EPB41L4A: variants seen among roughly 807,000 people sequenced by gnomAD.
EPB41L4A encodes the protein band 4.1-like protein 4A.
EPB41L4A carries 100 observed loss-of-function variants against 108.6 expected under a neutral mutation model. The observed-to-expected ratio is 0.92, with a 90% CI of 0.78 to 1.09. The LOEUF is 1.09. EPB41L4A is among the 50% of genes least tolerant of loss of function. The pLI, the probability that EPB41L4A is intolerant of heterozygous loss-of-function variation, is 0.00. For synonymous variants in EPB41L4A, 319 were observed against 289.0 expected (o/e 1.10, Z -1.05); for missense variants, 1,030 against 842.7 (o/e 1.22, Z -2.75).
intron 12 of EPB41L4A, among the ~76,000 whole-genome samples, chr5:112,213,359 T>G (rs117114397): frequency 0.39 from 58,222 of 151,190 alleles, 12,882 homozygotes; most frequent in Middle Eastern, 0.57. Flanking sequence ...TTTTGTTTTT[T>G]TTTTTTTAAG....
intron 1 of EPB41L4A, among the ~76,000 whole-genome samples, chr5:112,336,155 T>C (rs1756899448): frequency 6.6e-6 from 1 of 152,134 alleles, no homozygotes; most frequent in Admixed American, 6.5e-5. Flanking sequence ...CAAAGGAGTA[T>C]GAGAAAGCAG....
intron 3 of EPB41L4A, among the ~76,000 whole-genome samples, chr5:112,276,016 CA>C (rs961057905): frequency 4.6e-5 from 7 of 151,272 alleles, no homozygotes; most frequent in Non-Finnish European, 8.9e-5. Flanking sequence ...TGGAAGAGTA[CA>C]AAAAAAATTA....
At chr5:112,418,906 G>C (rs1056481953) in intron 1 of EPB41L4A, 35 bp downstream of exon 1, 2 of 1,565,110 alleles carry the variant, frequency 1.3e-6, no homozygotes, top group Admixed American at 1.7e-5. Context: ...CCGCCCTGCC[G>C]CCAACCCCCG....
chr5:112,215,656 G>C (rs540105024), intron 12 of EPB41L4A, among the ~76,000 whole-genome samples: 1 of 151,384 alleles, frequency 6.6e-6, no homozygotes, highest in African/African-American at 2.4e-5. Flanking sequence ...CCAGCTACTC[G>C]GGAGGGTGAG....
chr5:112,209,044 T>C (rs1026935009), intron 13 of EPB41L4A, among the ~76,000 whole-genome samples: 5 of 152,242 alleles, frequency 3.3e-5, no homozygotes, highest in African/African-American at 1.2e-4. Flanking sequence ...ATCTTAAAGT[T>C]ATCTTGCTGA....
chr5:112,286,449 T>C (rs1753288019), intron 2 of EPB41L4A, among the ~76,000 whole-genome samples: 1 of 152,192 alleles, frequency 6.6e-6, no homozygotes, highest in South Asian at 2.1e-4. Context: ...TCCTTAATAA[T>C]TCTTGACACT....
intron 1 of EPB41L4A, among the ~76,000 whole-genome samples, chr5:112,375,356 C>CACA (rs1044112653): frequency 7.0e-6 from 1 of 143,020 alleles, no homozygotes; most frequent in African/African-American, 3.0e-5. Context: ...CACACACACA[C>CACA]CCCTTCCTCT....
At chr5:112,310,710 G>C (rs1399337611) in intron 1 of EPB41L4A, among the ~76,000 whole-genome samples, 4 of 152,080 alleles carry the variant, frequency 2.6e-5, no homozygotes, top group Non-Finnish European at 5.9e-5. Context: ...TCTTCTTAGA[G>C]AAATTCCCGC....
intron 1 of EPB41L4A, among the ~76,000 whole-genome samples, chr5:112,310,581 G>C (rs911131189): frequency 2.0e-5 from 3 of 152,090 alleles, no homozygotes; most frequent in Admixed American, 2.0e-4. Flanking sequence ...GTCTTATTCT[G>C]TTTTGGCCTT....
chr5:112,357,512 G>C (rs406444), intron 1 of EPB41L4A, among the ~76,000 whole-genome samples: 101,475 of 152,104 alleles, frequency 0.67, 34,031 homozygotes, highest in South Asian at 0.82. Context: ...TTAAGACCAG[G>C]TGCCTGGAAA....
chr5:112,199,834 TACTTCTTTATATTTCC>T (rs1762136570), intron 15 of EPB41L4A, among the ~76,000 whole-genome samples: 1 of 152,202 alleles, frequency 6.6e-6, no homozygotes, highest in Non-Finnish European at 1.5e-5. Flanking sequence ...TGAAACCATC[TACTTCTTTATATTTCC>T]ACATCACCAC....
At chr5:112,405,597 T>C (rs190283418) in intron 1 of EPB41L4A, among the ~76,000 whole-genome samples, 19 of 152,306 alleles carry the variant, frequency 1.2e-4, no homozygotes, top group African/African-American at 4.1e-4. Context: ...ATATAATACA[T>C]ACATTACATT....
chr5:112,232,824 G>T (rs970322352), intron 12 of EPB41L4A, among the ~76,000 whole-genome samples: 5 of 152,118 alleles, frequency 3.3e-5, no homozygotes, highest in African/African-American at 1.2e-4. Context: ...CTGTAAAATG[G>T]TATGTACTCT....
chr5:112,169,747 C>T (rs898013571), intron 20 of EPB41L4A, among the ~76,000 whole-genome samples: 1 of 152,148 alleles, frequency 6.6e-6, no homozygotes, highest in Non-Finnish European at 1.5e-5. Flanking sequence ...GTGTACCAAC[C>T]TGCTATTTAA....
chr5:112,206,881 C>T (rs937062739), intron 13 of EPB41L4A: 2 of 152,158 alleles, frequency 1.3e-5, no homozygotes, highest in African/African-American at 4.8e-5. Context: ...AAGCAATATA[C>T]AGATGCAATG....
rs959985767 is a variant in EPB41L4A, at chr5:112,419,208, G to A, written c.-169C>T. On this transcript the variant is annotated 5_prime_UTR_variant, in exon 1 of 23. Transcript: ENST00000261486. The stretch of plus-strand genomic sequence containing the variant: ...GGCCGCCGAACCGCCCGGCGGGGCG[G>A]GAGCGAGAAAGGCGGAAAAGCCCGG... The A allele has an allele frequency of 1.8e-5, 9 of 503,980 alleles. No homozygotes were observed. The highest frequency in any genetic ancestry group is 6.2e-5 in the African/African-American group (3 of 48,400). 31.2% of individuals were successfully genotyped at this position (503,980 alleles called of 1,614,324 possible).
At chr5:112,237,452 A>G (rs1320428321) in intron 11 of EPB41L4A, among the ~76,000 whole-genome samples, 1 of 152,154 alleles carries the variant, frequency 6.6e-6, no homozygotes, top group Non-Finnish European at 1.5e-5. Flanking sequence ...CCTCCATCAC[A>G]TATATGTATG....
chr5:112,234,222 A>AT (rs1749168578), intron 12 of EPB41L4A, among the ~76,000 whole-genome samples: 1 of 149,484 alleles, frequency 6.7e-6, no homozygotes, highest in Non-Finnish European at 1.5e-5. Context: ...TAAATAAAAT[A>AT]AAATAAAATA....
intron 1 of EPB41L4A, among the ~76,000 whole-genome samples, chr5:112,330,331 C>T (rs1170888938): frequency 1.3e-5 from 2 of 152,050 alleles, no homozygotes; most frequent in African/African-American, 2.4e-5. Context: ...AACCTGTACA[C>T]AATCAGTGTC....
Sources: gnomAD v4.1 joint callset for allele counts (sites outside exome capture counted in the v4.1 genomes callset) on GRCh38, gnomAD v4.1.1 for gene constraint, MANE v1.5 for transcripts, NCBI Gene and HGNC (gene_info 2026-07-23, HGNC 2026-07-21) for gene names.